Variants in FRMD6 observed in about 807,000 individuals in gnomAD.
The protein encoded by FRMD6 is FERM domain-containing protein 6.
Under a neutral mutation model 73.2 loss-of-function variants are expected in FRMD6, and 37 were observed. The observed-to-expected ratio is 0.51, with a 90% CI of 0.39 to 0.66. The LOEUF (loss-of-function observed/expected upper bound fraction) is 0.66, where lower values mean the gene tolerates loss of function less well. Ranked by LOEUF, FRMD6 falls within the 30% of genes least tolerant of loss-of-function variation. The pLI, the probability that FRMD6 is intolerant of heterozygous loss-of-function variation, is 0.00. For synonymous variants in FRMD6, 273 were observed against 282.2 expected (o/e 0.97, Z 0.33); for missense variants, 714 against 780.5 (o/e 0.91, Z 1.02).
intron 2 of FRMD6, among the ~76,000 whole-genome samples, chr14:51,696,751 CA>C (rs34528270): frequency 3.7e-4 from 47 of 125,540 alleles, no homozygotes; most frequent in Admixed American, 3.9e-4. Flanking sequence ...CCTGTCTCTA[CA>C]AAAAAAAAAA....
chr14:51,565,439 AG>A (rs1346606552), intron 1 of FRMD6: 1 of 152,218 alleles, frequency 6.6e-6, no homozygotes, highest in African/African-American at 2.4e-5. Flanking sequence ...TGATGGTATG[AG>A]GTGAGGCATG....
In FRMD6 at chr14:51,672,649, T is replaced by A. The variant is rs140343793; in HGVS notation, c.-146-17042T>A. Among the ~76,000 whole-genome samples the A allele has an allele frequency of 4.5e-4, 69 of 152,340 alleles. No homozygotes were observed. The East Asian group carries it at 0.011, about 24-fold the overall frequency. On this transcript the variant is annotated intron_variant, in intron 1 of 13. Coordinates refer to ENST00000344768, the MANE Select transcript of FRMD6 (RefSeq NM_001267046.2). ...ATAAAGCTTATATTCTTTATTTTTA[T>A]CTTTTAATTCCATTTTTTCCATGAA...
Position 51,542,848 on chromosome 14 carries a change from C to T in FRMD6, c.-209-27500C>T, listed in dbSNP as rs951658496. Among the ~76,000 whole-genome samples the T allele has an allele frequency of 3.3e-4, 50 of 151,946 alleles. 1 individual carries two copies. The highest frequency in any genetic ancestry group is 3.2e-3 in the Admixed American group (49 of 15,248). ...AGTCGTATATGACTATAGTTTTAAC[C>T]TGCATTTTCCTAATGACTAGTGACA... On this transcript the variant is annotated intron_variant, in intron 1 of 14. Coordinates refer to the FRMD6 transcript ENST00000356218.
intron 1 of FRMD6, among the ~76,000 whole-genome samples, chr14:51,667,805 TTAAA>T (rs1893711911): frequency 6.6e-6 from 1 of 152,214 alleles, no homozygotes; most frequent in South Asian, 2.1e-4. Context: ...TAAATTCTAA[TTAAA>T]TCTTAAAAGT....
chr14:51,714,050 G>C (rs950777614), intron 9 of FRMD6: 8 of 152,156 alleles, frequency 5.3e-5, no homozygotes, highest in African/African-American at 1.9e-4. Context: ...GTCTGGAGTA[G>C]AGATGAGGAA....
At chr14:51,585,960 T>TATATATATAAAA (rs369811499) in intron 2 of FRMD6, among the ~76,000 whole-genome samples, 2 of 91,326 alleles carry the variant, frequency 2.2e-5, no homozygotes, top group East Asian at 4.2e-4. Flanking sequence ...TATATATATA[T>TATATATATAAAA]AACATTTTCT....
In FRMD6 at chr14:51,610,338, T is replaced by TA. The variant is rs5808625; in HGVS notation, c.-147+39941dup. Among the ~76,000 whole-genome samples the TA allele has an allele frequency of 9.7e-3, 1,386 of 142,342 alleles. 11 individuals are homozygous for TA. The highest frequency in any genetic ancestry group is 0.013 in the African/African-American group (498 of 38,570). The allele number at this position is 142,342 out of a possible 152,430, so 93.4% of individuals were successfully genotyped here. A position where few individuals can be genotyped will look rare whatever the true frequency, so the allele number is the denominator to read the frequency against. On this transcript the variant is annotated intron_variant, in intron 2 of 14. Coordinates refer to the FRMD6 transcript ENST00000356218. ...ATTCTTTTTTTAATCCCTTTTTTTT[T>TA]AAAAAAAAAAAAAGCTGCAATCTTT... is the stretch of plus-strand genomic sequence containing the variant.
Position 51,511,794 on chromosome 14 carries a change from G to A in FRMD6, c.-210+22374G>A, listed in dbSNP as rs61644387. The stretch of plus-strand genomic sequence containing the variant: ...TAATGTAGGTGATGGGTTGATGGGT[G>A]CAGCAAACCACCATGGCATGTGTAT... On this transcript the variant is annotated intron_variant, in intron 1 of 14. Coordinates refer to the FRMD6 transcript ENST00000356218. Among the ~76,000 whole-genome samples the A allele has an allele frequency of 4.4e-3, 667 of 152,046 alleles. 3 individuals are homozygous for A. The highest frequency in any genetic ancestry group is 0.016 in the African/African-American group (644 of 41,442).
At chr14:51,519,260 G>T (rs1884812166) in intron 1 of FRMD6, among the ~76,000 whole-genome samples, 1 of 149,870 alleles carries the variant, frequency 6.7e-6, no homozygotes, top group Non-Finnish European at 1.5e-5. Flanking sequence ...CGCCTCAGGG[G>T]TTCAAGTGAT....
At chr14:51,665,524 G>A (rs1313193553) in intron 1 of FRMD6, among the ~76,000 whole-genome samples, 9 of 152,070 alleles carry the variant, frequency 5.9e-5, no homozygotes, top group South Asian at 2.1e-4. Context: ...CTTCCGCTGC[G>A]TCCGAGCTGC....
rs776678402 is a variant in FRMD6 at position 51,715,502 on chromosome 14, A to G, written c.1024+3A>G. On this transcript the variant is annotated splice_donor_region_variant and intron_variant, in intron 10 of 13. Coordinates refer to ENST00000344768, the MANE Select transcript of FRMD6 (RefSeq NM_001267046.2). ...CCGGAAGCTGGAGGAAAACGAAGGT[A>G]TTGCAGGGTCTGGGGTGTGGAAGCA... 3 of 1,607,264 alleles carry G rather than the reference A, an allele frequency of 1.9e-6. No individual in the cohort carries two copies. Among genetic ancestry groups the G allele is most frequent in the African/African-American group, 1.3e-5 (1 of 74,700 alleles).
At chr14:51,585,939 GTATATATA>G (rs3060587) in intron 2 of FRMD6, among the ~76,000 whole-genome samples, 646 of 31,420 alleles carry the variant, frequency 0.021, 68 homozygotes, top group African/African-American at 0.042. Context: ...GTGTGTGTGT[GTATATATA>G]TATATATATA....
intron 2 of FRMD6, among the ~76,000 whole-genome samples, chr14:51,581,764 T>C (rs547578025): frequency 6.6e-6 from 1 of 152,312 alleles, no homozygotes; most frequent in East Asian, 1.9e-4. Flanking sequence ...GCAGTGCTAG[T>C]GAAAAGTTCA....
intron 2 of FRMD6, among the ~76,000 whole-genome samples, chr14:51,697,806 CAAAT>C (rs1224610128): frequency 3.3e-5 from 5 of 151,902 alleles, no homozygotes; most frequent in African/African-American, 1.2e-4. Context: ...AGATACTTGC[CAAAT>C]AAATATTTTT....
At chr14:51,483,254 G>T in the FRMD6 span, among the ~76,000 whole-genome samples, 1 of 152,190 alleles carries the variant, frequency 6.6e-6, no homozygotes, top group Non-Finnish European at 1.5e-5. Context: ...AAGCGGAGAT[G>T]CAATAACAAA....
chr14:51,627,231 A>C (rs1487278946), intron 2 of FRMD6, among the ~76,000 whole-genome samples: 1 of 152,218 alleles, frequency 6.6e-6, no homozygotes, highest in African/African-American at 2.4e-5. Flanking sequence ...GCCCTGCACT[A>C]GCCAAACTTC....
the FRMD6 span, among the ~76,000 whole-genome samples, chr14:51,482,155 A>T: frequency 6.6e-6 from 1 of 152,232 alleles, no homozygotes; most frequent in Admixed American, 6.5e-5. Flanking sequence ...ATAACATAAA[A>T]GTGGTGCTGC....
chr14:51,669,476 C>T (rs1206901757), intron 1 of FRMD6, among the ~76,000 whole-genome samples: 2 of 152,178 alleles, frequency 1.3e-5, no homozygotes, highest in African/African-American at 2.4e-5. Context: ...TCCCACCAGC[C>T]ATGTCTGAGA....
At chr14:51,672,780 C>T (rs1482069396) in intron 1 of FRMD6, among the ~76,000 whole-genome samples, 4 of 152,032 alleles carry the variant, frequency 2.6e-5, no homozygotes, top group South Asian at 2.1e-4. Flanking sequence ...TCTATGTTTT[C>T]GAATTTATTA....
Sources: allele counts gnomAD v4.1 joint callset (sites outside exome capture counted in the v4.1 genomes callset), GRCh38; gene constraint gnomAD v4.1.1; transcripts MANE v1.5; gene names NCBI Gene and HGNC (gene_info 2026-07-23, HGNC 2026-07-21).